Variants in NSUN2 observed in about 807,000 individuals in gnomAD.
NSUN2 encodes the protein NOP2/Sun RNA methyltransferase 2.
Under a neutral mutation model 92.7 loss-of-function variants are expected in NSUN2, and 63 were observed. The observed-to-expected ratio is 0.68, with a 90% CI of 0.56 to 0.84. The LOEUF (loss-of-function observed/expected upper bound fraction) is 0.84. NSUN2 is among the 40% of genes least tolerant of loss of function. The probability of loss-of-function intolerance (pLI) is 0.00; values close to 1 mark genes in which losing one functional copy is unlikely to be tolerated. For missense variants in NSUN2, 989 were observed against 964.9 expected (o/e 1.02, Z -0.33); for synonymous variants, 356 against 348.3 (o/e 1.02, Z -0.25).
Position 6,620,095 on chromosome 5 carries a change from AAGAT to A in NSUN2, c.815+7_815+10del. 6.5e-7 allele frequency: 1 copy of A among 1,541,412 alleles called. No individual in the cohort carries two copies. The highest frequency in any genetic ancestry group is 8.7e-7 in the Non-Finnish European group (1 of 1,144,518). On this transcript the variant is annotated splice_region_variant and intron_variant, in intron 7 of 18. Coordinates refer to ENST00000264670, the MANE Select transcript of NSUN2 (RefSeq NM_017755.6). ...AGTGGATTTGGGCTTTTTGGCCAAT[AAGAT>A]AAATACCTGCAAGGGACATCACATA...
At chr5:6,632,089 G>A (rs1447115085) in intron 2 of NSUN2, 112 bp from the exon 3 acceptor site, 6 of 787,352 alleles carry the variant, frequency 7.6e-6, no homozygotes, top group South Asian at 1.7e-5. Context: ...CTTTTGCATG[G>A]AGAGTAAACA....
intron 9 of NSUN2, among the ~76,000 whole-genome samples, chr5:6,614,311 C>A (rs570944000): frequency 6.6e-6 from 1 of 152,204 alleles, no homozygotes; most frequent in East Asian, 1.9e-4. Context: ...AGGTTTCAGA[C>A]CGGATGAAGA....
At chr5:6,615,521 G>A (rs1737176801) in intron 9 of NSUN2, among the ~76,000 whole-genome samples, 1 of 152,218 alleles carries the variant, frequency 6.6e-6, no homozygotes, top group Non-Finnish European at 1.5e-5. Context: ...GACCATGCAA[G>A]AAAACATCAC....
chr5:6,614,261 C>G (rs530498255), intron 9 of NSUN2, among the ~76,000 whole-genome samples: 1 of 152,206 alleles, frequency 6.6e-6, no homozygotes, highest in East Asian at 1.9e-4. Context: ...GCCAGCCAGT[C>G]TGAAAATCAG....
At chr5:6,603,596 C>G in intron 17 of NSUN2, among the ~76,000 whole-genome samples, 1 of 152,160 alleles carries the variant, frequency 6.6e-6, no homozygotes. Flanking sequence ...GAGGCTGGGG[C>G]AGGAGAATGG....
rs1553997978 is a variant in NSUN2, at chr5:6,614,124, C to CTCCCACCT, written c.1022-2327_1022-2326insAGGTGGGA. Among the ~76,000 whole-genome samples, 20 of 73,168 alleles carry CTCCCACCT rather than the reference C, an allele frequency of 2.7e-4. 2 individuals carry two copies. The highest frequency in any genetic ancestry group is 4.0e-4 in the Non-Finnish European group (14 of 35,288). The allele number at this position is 73,168 out of a possible 152,430, so 48.0% of individuals were successfully genotyped here. On this transcript the variant is annotated intron_variant, in intron 9 of 18. Transcript: ENST00000264670. ...AAAAAAAAAAAAAAAAAAAAAAAAC[C>CTCCCACCT]CACAACACACACATATAGACAGACA...
intron 3 of NSUN2, among the ~76,000 whole-genome samples, chr5:6,628,267 G>A (rs1036105069): frequency 1.3e-5 from 2 of 152,174 alleles, no homozygotes; most frequent in Admixed American, 6.5e-5. Context: ...AGGATCACCT[G>A]AGCCCAGGAG....
At chr5:6,623,062 A>C (rs1737517558) in intron 5 of NSUN2, 152 bp downstream of exon 5, 1 of 449,736 alleles carries the variant, frequency 2.2e-6, no homozygotes. Flanking sequence ...AAAAAAAAAG[A>C]AACTAAGATA....
At chr5:6,627,833 T>C (rs945585311) in intron 3 of NSUN2, among the ~76,000 whole-genome samples, 3 of 152,256 alleles carry the variant, frequency 2.0e-5, no homozygotes, top group Non-Finnish European at 4.4e-5. Flanking sequence ...TATTAAATCT[T>C]TGTAGATTTT....
rs1736462529 is a variant in NSUN2 at position 6,599,718 on chromosome 5, T to C, written c.*208A>G. 2 of 523,072 alleles carry C rather than the reference T, an allele frequency of 3.8e-6. No individual in the cohort carries two copies. Among genetic ancestry groups the C allele is most frequent in the African/African-American group, 1.9e-5 (1 of 52,746 alleles). 32.4% of individuals were successfully genotyped at this position (523,072 alleles called of 1,614,324 possible). A position where few individuals can be genotyped will look rare whatever the true frequency, so the allele number is the denominator to read the frequency against. On this transcript the variant is annotated 3_prime_UTR_variant, in exon 19 of 19. Transcript: ENST00000264670. ...GAAACAAAATAAAACAAGTGATTTC[T>C]AACACGCTAAAAGAGTACATTTTCA...
At position 6,599,867 on chromosome 5, in the gene NSUN2, G is replaced by C; in HGVS notation, c.*59C>G. ...TCTGGATTTGGTTTCAGACACCAGT[G>C]ACCAGAAGAAGCCAGTTTTGCGTGT... is the stretch of plus-strand genomic sequence containing the variant. On this transcript the variant is annotated 3_prime_UTR_variant, in exon 19 of 19. Coordinates refer to ENST00000264670, the MANE Select transcript of NSUN2 (RefSeq NM_017755.6). The C allele has an allele frequency of 1.3e-6, 2 of 1,499,246 alleles. No individual in the cohort carries two copies. Among genetic ancestry groups the C allele is most frequent in the Admixed American group, 3.5e-5 (2 of 57,256 alleles). 92.9% of individuals were successfully genotyped at this position (1,499,246 alleles called of 1,614,324 possible).
intron 18 of NSUN2, among the ~76,000 whole-genome samples, chr5:6,601,313 A>C (rs1016127671): frequency 6.7e-5 from 10 of 149,678 alleles, no homozygotes; most frequent in African/African-American, 2.5e-4. Context: ...TATTTTAAAA[A>C]CCATTTCTGA....
In NSUN2 at chr5:6,626,717, G is replaced by A. The variant is rs1579379099; in HGVS notation, c.360-1048C>T. ...GCACCGTACAAATGAGCACACTGATGTCATGCAGCACCATGCTCAATCCAA... is the reference window on the plus strand; with the variant it reads ...GCACCGTACAAATGAGCACACTGATATCATGCAGCACCATGCTCAATCCAA... On this transcript the variant is annotated intron_variant, in intron 3 of 18. Coordinates refer to ENST00000264670, the MANE Select transcript of NSUN2 (RefSeq NM_017755.6). 2.0e-5 allele frequency among the ~76,000 whole-genome samples: 3 copies of A among 152,346 alleles called. No individual in the cohort carries two copies. In the South Asian group the frequency reaches 6.2e-4, roughly 32 times the overall value.
chr5:6,625,032 G>A (rs1222688849), intron 4 of NSUN2, among the ~76,000 whole-genome samples: 1 of 151,872 alleles, frequency 6.6e-6, no homozygotes, highest in Non-Finnish European at 1.5e-5. Context: ...GTCCTGTGAG[G>A]ACCAAAGCTG....
At chr5:6,618,130 T>C (rs1737291193) in intron 7 of NSUN2, 106 bp from the exon 8 acceptor site, 1 of 717,926 alleles carries the variant, frequency 1.4e-6, no homozygotes, top group East Asian at 2.7e-5. Flanking sequence ...GTTACAAATA[T>C]CAGTTAGGAA....
At chr5:6,619,729 G>A (rs1737357722) in intron 7 of NSUN2, among the ~76,000 whole-genome samples, 1 of 152,202 alleles carries the variant, frequency 6.6e-6, no homozygotes, top group African/African-American at 2.4e-5. Flanking sequence ...TTTATATACT[G>A]TACTCACTGG....
intron 12 of NSUN2, among the ~76,000 whole-genome samples, chr5:6,607,689 G>A (rs898775313): frequency 2.0e-5 from 3 of 152,128 alleles, no homozygotes; most frequent in Non-Finnish European, 4.4e-5. Flanking sequence ...AATGCTTATC[G>A]TGCATCTGCT....
chr5:6,629,863 T>C (rs1737803780), intron 3 of NSUN2, among the ~76,000 whole-genome samples: 2 of 152,204 alleles, frequency 1.3e-5, no homozygotes, highest in African/African-American at 4.8e-5. Context: ...TCATTCTCTC[T>C]CCTGCCACCC....
chr5:6,611,822 CT>C, intron 9 of NSUN2, 24 bp from the exon 10 acceptor site: 3 of 1,610,648 alleles, frequency 1.9e-6, no homozygotes, highest in Non-Finnish European at 2.5e-6. Context: ...GCATGGACGT[CT>C]TTTGTTTTTC....
Sources: allele counts gnomAD v4.1 joint callset (sites outside exome capture counted in the v4.1 genomes callset), GRCh38; gene constraint gnomAD v4.1.1; transcripts MANE v1.5; gene names NCBI Gene and HGNC (gene_info 2026-07-23, HGNC 2026-07-21).